Variants in RAB28 observed in about 807,000 individuals in gnomAD.
The protein encoded by RAB28 is RAB28, member RAS oncogene family, also known as ras-related protein Rab-28.
Under a neutral mutation model 31.7 loss-of-function variants are expected in RAB28, and 24 were observed. That is an observed-to-expected ratio of 0.76 (90% CI 0.55 to 1.06). The LOEUF (loss-of-function observed/expected upper bound fraction) is 1.06. Among genes scored for constraint, RAB28 ranks in the 50% least tolerant of loss-of-function variants. The pLI is 0.00. For synonymous variants in RAB28, 100 were observed against 90.4 expected (o/e 1.11, Z -0.60); for missense variants, 254 against 258.5 (o/e 0.98, Z 0.12).
chr4:13,402,827 C>T (rs1417456066), intron 4 of RAB28, among the ~76,000 whole-genome samples: 6 of 152,098 alleles, frequency 3.9e-5, no homozygotes, highest in Admixed American at 1.3e-4. Flanking sequence ...CAGGGTCTCA[C>T]GCTGTCTCCC....
At chr4:13,423,508 T>C (rs889466351) in intron 4 of RAB28, among the ~76,000 whole-genome samples, 2 of 151,608 alleles carry the variant, frequency 1.3e-5, no homozygotes, top group African/African-American at 4.8e-5. Context: ...AAGGTGAGAA[T>C]AAGTCAAAAC....
intron 4 of RAB28, among the ~76,000 whole-genome samples, chr4:13,408,297 T>C (rs1341709382): frequency 2.0e-5 from 3 of 152,222 alleles, no homozygotes; most frequent in Non-Finnish European, 4.4e-5. Flanking sequence ...TGGTTCTGTT[T>C]ATGTGATGGA....
At chr4:13,414,378 A>C (rs778845157) in intron 4 of RAB28, among the ~76,000 whole-genome samples, 1 of 152,224 alleles carries the variant, frequency 6.6e-6, no homozygotes. Flanking sequence ...CAAATCATCC[A>C]TGAAAATATA....
chr4:13,406,264 TTA>T (rs1421827416), intron 4 of RAB28, among the ~76,000 whole-genome samples: 5 of 152,240 alleles, frequency 3.3e-5, no homozygotes, highest in Non-Finnish European at 5.9e-5. Flanking sequence ...TGGTTTTCTG[TTA>T]CTCTGTTAGT....
chr4:13,392,156 G>A (rs1253288601), intron 4 of RAB28, among the ~76,000 whole-genome samples: 1 of 152,072 alleles, frequency 6.6e-6, no homozygotes, highest in Non-Finnish European at 1.5e-5. Context: ...GATTCTAGTG[G>A]AACACTAACT....
At chr4:13,390,893 CA>C (rs1729598595) in intron 4 of RAB28, among the ~76,000 whole-genome samples, 1 of 152,096 alleles carries the variant, frequency 6.6e-6, no homozygotes, top group Non-Finnish European at 1.5e-5. Flanking sequence ...ACACCTTATA[CA>C]AAAATTAATT....
chr4:13,433,947 G>A (rs897457676), intron 4 of RAB28, among the ~76,000 whole-genome samples: 2 of 152,112 alleles, frequency 1.3e-5, no homozygotes, highest in African/African-American at 4.8e-5. Flanking sequence ...TAAAGAAAAT[G>A]TGGTATATAT....
At chr4:13,374,495 G>A (rs988267947) in intron 6 of RAB28, among the ~76,000 whole-genome samples, 12 of 152,076 alleles carry the variant, frequency 7.9e-5, no homozygotes, top group African/African-American at 2.2e-4. Context: ...AGCTCAGGCA[G>A]TACAAGGAAT....
intron 4 of RAB28, among the ~76,000 whole-genome samples, chr4:13,433,663 G>T (rs114589991): frequency 1.2e-4 from 18 of 152,166 alleles, no homozygotes; most frequent in African/African-American, 4.1e-4. Flanking sequence ...AATAATAGAT[G>T]CTGGAGAGGC....
chr4:13,452,043 C>CT (rs1714997181), intron 4 of RAB28, among the ~76,000 whole-genome samples: 2 of 151,704 alleles, frequency 1.3e-5, no homozygotes, highest in African/African-American at 2.4e-5. Context: ...TGCTTGCTTG[C>CT]TTTATTTATT....
intron 3 of RAB28, chr4:13,473,905 AACATAG>A: frequency 2.8e-6 from 1 of 355,528 alleles, no homozygotes; most frequent in South Asian, 2.2e-5. Flanking sequence ...ATTGCACAAA[AACATAG>A]ACATATAGAT....
At chr4:13,466,991 T>C (rs1396644373) in intron 3 of RAB28, among the ~76,000 whole-genome samples, 1 of 151,438 alleles carries the variant, frequency 6.6e-6, no homozygotes, top group Non-Finnish European at 1.5e-5. Context: ...CTCACAGAAG[T>C]AGGGAGTAGA....
rs555013114 is a variant in RAB28 at position 13,391,880 on chromosome 4, G to A, written c.392-10286C>T. On this transcript the variant is annotated intron_variant, in intron 4 of 6. Transcript: ENST00000330852. ...TGAGAACACTTGGACACGGGGCGGG[G>A]AACATCACACACCGGGGCCTGTCGG... Among the ~76,000 whole-genome samples, 10 of 149,430 alleles carry A rather than the reference G, an allele frequency of 6.7e-5. No individual in the cohort carries two copies. The East Asian group carries it at 1.2e-3, about 18-fold the overall frequency.
At chr4:13,430,081 G>A (rs1355418097) in intron 4 of RAB28, among the ~76,000 whole-genome samples, 1 of 152,066 alleles carries the variant, frequency 6.6e-6, no homozygotes, top group Admixed American at 6.5e-5. Flanking sequence ...CACTCCGTGG[G>A]AAAAGCATAG....
At chr4:13,423,307 G>T (rs1048956099) in intron 4 of RAB28, among the ~76,000 whole-genome samples, 1 of 152,074 alleles carries the variant, frequency 6.6e-6, no homozygotes, top group Non-Finnish European at 1.5e-5. Flanking sequence ...AGGCCAAGGA[G>T]GGTGGATCGC....
At chr4:13,381,388 A>AGT in intron 5 of RAB28, 103 bp downstream of exon 5, 1 of 731,300 alleles carries the variant, frequency 1.4e-6, no homozygotes, top group Non-Finnish European at 2.3e-6. Flanking sequence ...TGTTTTCAAT[A>AGT]GGAATTAATT....
intron 1 of RAB28, among the ~76,000 whole-genome samples, chr4:13,482,395 G>C (rs941920944): frequency 6.6e-6 from 1 of 152,054 alleles, no homozygotes; most frequent in Non-Finnish European, 1.5e-5. Flanking sequence ...TAGCATATAG[G>C]ATAACCAGCA....
At position 13,407,469 on chromosome 4, in the gene RAB28, C is replaced by A. The variant is rs139033639; in HGVS notation, c.392-25875G>T. ...GCTTCCAGCTTTGTTCTGTTTGCTT[C>A]GGATTGTCTTGCCTATATGGGCTCT... On this transcript the variant is annotated intron_variant, in intron 4 of 6. Transcript: ENST00000330852. Among the ~76,000 whole-genome samples the A allele has an allele frequency of 4.6e-3, 696 of 151,036 alleles. 5 individuals are homozygous for A. The highest frequency in any genetic ancestry group is 0.016 in the African/African-American group (662 of 41,376).
At chr4:13,421,983 C>G (rs747980031) in intron 4 of RAB28, among the ~76,000 whole-genome samples, 24 of 150,950 alleles carry the variant, frequency 1.6e-4, no homozygotes, top group Non-Finnish European at 2.8e-4. Flanking sequence ...AATGAGAGAA[C>G]ATTTTTGCAG....
Sources: allele counts gnomAD v4.1 joint callset (sites outside exome capture counted in the v4.1 genomes callset), GRCh38; gene constraint gnomAD v4.1.1; transcripts MANE v1.5; gene names NCBI Gene and HGNC (gene_info 2026-07-23, HGNC 2026-07-21).